MFSD11: variants seen among roughly 807,000 people sequenced by gnomAD.
MFSD11 encodes UNC93-like protein MFSD11.
MFSD11 carries 36 observed loss-of-function variants against 53.5 expected under a neutral mutation model. That is an observed-to-expected ratio of 0.67 (90% CI 0.52 to 0.89). The LOEUF is 0.89. Ranked by LOEUF, MFSD11 falls within the 40% of genes least tolerant of loss-of-function variation. The pLI is 0.00. For missense variants in MFSD11, 530 were observed against 543.9 expected, an observed-to-expected ratio of 0.97 and a Z score of 0.25; for synonymous variants, 186 against 184.9, an observed-to-expected ratio of 1.01 and a Z score of -0.05.
At chr17:76,792,988 T>C in the MFSD11 span, among the ~76,000 whole-genome samples, 123 of 150,492 alleles carry the variant, frequency 8.2e-4, no homozygotes, top group South Asian at 0.013. Context: ...GGGGAGGGAG[T>C]GTATGAATAG....
At chr17:76,780,666 C>G (rs1378798627), downstream of MFSD11, among the ~76,000 whole-genome samples, 1 of 152,074 alleles carries the variant, frequency 6.6e-6, no homozygotes, top group Non-Finnish European at 1.5e-5. Flanking sequence ...CAGGCATGCA[C>G]CACCCCGCCT....
chr17:76,778,314 G>A lies in MFSD11; in HGVS notation c.1312G>A (p.Ala438Thr), dbSNP rs779304619. The change falls in exon 13 of 13, where the codon GCC becomes ACC. Residue 438 changes from alanine to threonine, a missense_variant. Ala to Thr is a moderately conservative substitution (Grantham distance 58, BLOSUM62 0). Coordinates refer to ENST00000685175, the MANE Select transcript of MFSD11 (RefSeq NM_001242532.5). ...SFFTVEWEAAAFVARGSDYRS... is the reference protein window; with the variant it reads ...SFFTVEWEAATFVARGSDYRS... ...CTTCACTGTGGAATGGGAAGCTGCC[G>A]CCTTTGTAGCCCGCGGCTCTGACTA... 31 of 1,614,018 alleles carry A rather than the reference G, an allele frequency of 1.9e-5. No individual in the cohort carries two copies. Among genetic ancestry groups the A allele is most frequent in the South Asian group, 4.4e-5 (4 of 91,086 alleles).
At chr17:76,739,050 A>C in intron 2 of MFSD11, 57 bp downstream of exon 2, 239 of 1,291,250 alleles carry the variant, frequency 1.9e-4, no homozygotes, top group Non-Finnish European at 2.5e-4. Context: ...CTTAAATCTC[A>C]TCAGAATCAC....
At chr17:76,736,757 GCGCCC>G (rs988605293), upstream of MFSD11, 5 of 1,395,308 alleles carry the variant, frequency 3.6e-6, no homozygotes, top group Non-Finnish European at 3.7e-6. Context: ...GGCCTCCCGC[GCGCCC>G]CGCCCCGCCT....
chr17:76,751,443 C>T (rs2144378505), intron 7 of MFSD11, among the ~76,000 whole-genome samples: 1 of 151,626 alleles, frequency 6.6e-6, no homozygotes, highest in Admixed American at 6.6e-5. Context: ...CCTGTAATCC[C>T]AACACTTTGG....
At chr17:76,783,152 C>CA (rs753696509), downstream of MFSD11, among the ~76,000 whole-genome samples, 4,812 of 109,312 alleles carry the variant, frequency 0.044, 259 homozygotes, top group African/African-American at 0.13. Context: ...ACTCCAGCTC[C>CA]AAAAAAAAAA....
chr17:76,802,045 G>A, the MFSD11 span, among the ~76,000 whole-genome samples: 5 of 151,948 alleles, frequency 3.3e-5, no homozygotes, highest in Admixed American at 6.6e-5. Flanking sequence ...AAGGTGAGCG[G>A]ATCACTTTAG....
At position 76,775,114 on chromosome 17, in the gene MFSD11, G is replaced by T; in HGVS notation, c.992G>T (p.Gly331Val). 1 of 1,614,028 alleles carries T rather than the reference G, an allele frequency of 6.2e-7. No individual in the cohort carries two copies. Among genetic ancestry groups the T allele is most frequent in the Non-Finnish European group, 8.5e-7 (1 of 1,179,926 alleles). ...TATCTAATATTTCTCAACATGCCTG[G>T]AGATGCCCCGATTGCTCCTGTTAAA... is the stretch of plus-strand genomic sequence containing the variant. ...AFYLIFLNMP[G>V]DAPIAPVKGT... Residue 331 changes from glycine to valine, a missense_variant, in exon 11 of 13, where the codon GGA becomes GTA. Physicochemically the swap from Gly to Val is moderately radical, Grantham distance 109 (BLOSUM62 -3). Coordinates refer to ENST00000685175, the MANE Select transcript of MFSD11 (RefSeq NM_001242532.5).
intron 7 of MFSD11, among the ~76,000 whole-genome samples, chr17:76,744,909 C>T (rs8080079): frequency 0.053 from 8,106 of 152,242 alleles, 672 homozygotes; most frequent in African/African-American, 0.18. Flanking sequence ...CACAGATGAA[C>T]CTTGGTTATC....
At chr17:76,760,128 CGTG>C (rs1181401067) in intron 8 of MFSD11, among the ~76,000 whole-genome samples, 1 of 150,642 alleles carries the variant, frequency 6.6e-6, no homozygotes, top group Admixed American at 6.6e-5. Flanking sequence ...ATTAGCCAGG[CGTG>C]GTGGCTGGCG....
chr17:76,772,033 C>T (rs2081407866), intron 10 of MFSD11, among the ~76,000 whole-genome samples: 1 of 152,064 alleles, frequency 6.6e-6, no homozygotes, highest in African/African-American at 2.4e-5. Flanking sequence ...CTGGTAAGTG[C>T]TTGTTTAGTG....
chr17:76,785,396 G>A (rs910975874), downstream of MFSD11, among the ~76,000 whole-genome samples: 7 of 152,122 alleles, frequency 4.6e-5, no homozygotes, highest in Middle Eastern at 3.2e-3. Context: ...GAGTGCAGTG[G>A]CACAAACATA....
intron 7 of MFSD11, among the ~76,000 whole-genome samples, chr17:76,750,740 T>G (rs2078985698): frequency 6.6e-6 from 1 of 151,990 alleles, no homozygotes; most frequent in Non-Finnish European, 1.5e-5. Flanking sequence ...TTACATTACT[T>G]TTTTTTGGTA....
chr17:76,777,485 T>TG (rs2081955095), intron 12 of MFSD11, among the ~76,000 whole-genome samples: 1 of 152,192 alleles, frequency 6.6e-6, no homozygotes, highest in African/African-American at 2.4e-5. Flanking sequence ...TCCGCCCGCT[T>TG]GGGCCCCACA....
At chr17:76,774,895 A>C in intron 10 of MFSD11, 102 bp from the exon 11 acceptor site, 1 of 1,199,412 alleles carries the variant, frequency 8.3e-7, no homozygotes, top group South Asian at 1.6e-5. Flanking sequence ...AAGAAATTTA[A>C]CAAGTGAGAA....
chr17:76,773,532 C>T lies in MFSD11; in HGVS notation c.875-1465C>T, dbSNP rs757941389. 2.0e-5 allele frequency among the ~76,000 whole-genome samples: 3 copies of T among 152,106 alleles called. No individual in the cohort carries two copies. In the South Asian group the frequency reaches 6.2e-4, roughly 31 times the overall value. On this transcript the variant is annotated intron_variant, in intron 10 of 12. Coordinates refer to ENST00000685175, the MANE Select transcript of MFSD11 (RefSeq NM_001242532.5). ...ACCCTCTTTATATCTTCTTTGGTGACGTGTATGTGCATATCTTTTGCCCAT... is the reference window on the plus strand; with the variant it reads ...ACCCTCTTTATATCTTCTTTGGTGATGTGTATGTGCATATCTTTTGCCCAT...
intron 8 of MFSD11, among the ~76,000 whole-genome samples, chr17:76,758,115 A>G (rs930012232): frequency 6.6e-6 from 1 of 152,228 alleles, no homozygotes; most frequent in African/African-American, 2.4e-5. Context: ...CAAGACCAAT[A>G]AAACAAAGTC....
At chr17:76,750,002 G>A (rs1250574551) in intron 7 of MFSD11, among the ~76,000 whole-genome samples, 1 of 152,100 alleles carries the variant, frequency 6.6e-6, no homozygotes, top group African/African-American at 2.4e-5. Context: ...ATTTAAGTCA[G>A]GGCCTGAAAG....
chr17:76,765,515 T>G (rs1011364591), intron 8 of MFSD11, among the ~76,000 whole-genome samples: 1 of 138,518 alleles, frequency 7.2e-6, no homozygotes, highest in African/African-American at 2.8e-5. Context: ...TAGGGCGGAG[T>G]ACAGTGGCTT....
Sources: allele counts gnomAD v4.1 joint callset (sites outside exome capture counted in the v4.1 genomes callset), GRCh38; gene constraint gnomAD v4.1.1; transcripts MANE v1.5; gene names NCBI Gene and HGNC (gene_info 2026-07-23, HGNC 2026-07-21).